The following RPTOR variants were observed in gnomAD, a reference collection of about 807,000 sequenced individuals.
RPTOR encodes the protein regulatory-associated protein of mTOR.
RPTOR carries 21 observed loss-of-function variants against 169.9 expected under a neutral mutation model. The observed-to-expected ratio is 0.12, with a 90% confidence interval of 0.09 to 0.18. RPTOR has a LOEUF of 0.18. RPTOR is among the 10% of genes least tolerant of loss of function. The pLI is 1.00. For missense variants in RPTOR, 1,133 were observed against 1,855.9 expected, an observed-to-expected ratio of 0.61 and a Z score of 7.16; for synonymous variants, 732 against 753.2, an observed-to-expected ratio of 0.97 and a Z score of 0.46.
At chr17:80,891,206 C>T (rs1362975948) in intron 17 of RPTOR, among the ~76,000 whole-genome samples, 2 of 152,224 alleles carry the variant, frequency 1.3e-5, no homozygotes, top group East Asian at 3.8e-4. Context: ...TTTTCCCGTT[C>T]CCTCTTAGGG....
Position 80,708,991 on chromosome 17 carries a change from C to T in RPTOR, c.507+992C>T, listed in dbSNP as rs986526436. The T allele has an allele frequency of 7.1e-6, 7 of 985,642 alleles. No individual in the cohort carries two copies. Among genetic ancestry groups the T allele is most frequent in the African/African-American group, 5.2e-5 (3 of 57,220 alleles). The allele number at this position is 985,642 out of a possible 1,614,324, so 61.1% of individuals were successfully genotyped here. A position where few individuals can be genotyped will look rare whatever the true frequency, so the allele number is the denominator to read the frequency against. ...ACACTGAACTCTCGGTTCCCGCCTA[C>T]CGTCCCGGGTTCGCAGCTAGCATTC... On this transcript the variant is annotated intron_variant, in intron 4 of 33. Transcript: ENST00000306801. The surrounding 1 kb of genome is among the most constrained non-coding windows in gnomAD (Gnocchi z 4.2).
At chr17:80,561,996 C>T (rs1486505419) in intron 1 of RPTOR, among the ~76,000 whole-genome samples, 1 of 151,986 alleles carries the variant, frequency 6.6e-6, no homozygotes, top group Non-Finnish European at 1.5e-5. Flanking sequence ...ATTTATGTGT[C>T]AGTGCATGTG....
Position 80,878,521 on chromosome 17 carries a change from A to AT in RPTOR, c.1510-1888dup, listed in dbSNP as rs2068148603. ...ACCACCACACCCTGCTAATTTTTGTATTTTTTAGTAGAGACAGGATTTCAC... is the reference window on the plus strand; with the variant it reads ...ACCACCACACCCTGCTAATTTTTGTATTTTTTTAGTAGAGACAGGATTTCAC... On this transcript the variant is annotated intron_variant, in intron 13 of 33. Transcript: ENST00000306801. This position sits in a 1 kb window ranked among gnomAD's most constrained non-coding sequence, Gnocchi z 4.1. Among the ~76,000 whole-genome samples, 1 of 151,726 alleles carries AT rather than the reference A, an allele frequency of 6.6e-6. No homozygotes were observed. Among genetic ancestry groups the AT allele is most frequent in the Non-Finnish European group, 1.5e-5 (1 of 67,934 alleles).
chr17:80,961,244 C>A (rs1271190114), intron 30 of RPTOR, 150 bp from the exon 31 acceptor site: 3 of 665,340 alleles, frequency 4.5e-6, no homozygotes, highest in African/African-American at 3.6e-5. Flanking sequence ...TCTGACCCTG[C>A]GTGAGCACTA....
rs1403224211 is a variant in RPTOR at position 80,644,595 on chromosome 17, C to T, written c.348+785C>T. Among the ~76,000 whole-genome samples the T allele has an allele frequency of 3.3e-5, 5 of 152,104 alleles. No individual in the cohort carries two copies. The South Asian group carries it at 6.2e-4, about 19-fold the overall frequency. On this transcript the variant is annotated intron_variant, in intron 3 of 33. Transcript: ENST00000306801. ...GAAGAATGCAGGTTGAGAAGGTGCG[C>T]GTCTCCTGCAAGTTTTACTCTCCCC...
intron 3 of RPTOR, among the ~76,000 whole-genome samples, chr17:80,660,178 G>C (rs1174533878): frequency 6.6e-6 from 1 of 151,810 alleles, no homozygotes; most frequent in African/African-American, 2.4e-5. Flanking sequence ...GGCTGAGGTA[G>C]GAGAATTGCT....
At chr17:80,807,221 G>A (rs1448283219) in intron 7 of RPTOR, among the ~76,000 whole-genome samples, 1 of 152,078 alleles carries the variant, frequency 6.6e-6, no homozygotes, top group African/African-American at 2.4e-5. Context: ...AACATTTTTG[G>A]TTTTAATTAA....
intron 9 of RPTOR, among the ~76,000 whole-genome samples, chr17:80,833,678 T>A (rs1212087422): frequency 6.6e-6 from 1 of 152,198 alleles, no homozygotes; most frequent in Non-Finnish European, 1.5e-5. Context: ...GAGAATACCG[T>A]TGTTCTGCTG....
chr17:80,747,576 G>A (rs766408519), intron 5 of RPTOR, among the ~76,000 whole-genome samples: 1 of 152,204 alleles, frequency 6.6e-6, no homozygotes, highest in Non-Finnish European at 1.5e-5. Flanking sequence ...CTGCTCCCTC[G>A]GCAACCACAG....
chr17:80,603,707 C>A (rs2065208075), intron 1 of RPTOR, among the ~76,000 whole-genome samples: 1 of 152,124 alleles, frequency 6.6e-6, no homozygotes, highest in South Asian at 2.1e-4. Flanking sequence ...AGCCCCGCCC[C>A]CATGGAGGCT....
At chr17:80,557,404 C>T (rs2084422878) in intron 1 of RPTOR, among the ~76,000 whole-genome samples, 1 of 151,674 alleles carries the variant, frequency 6.6e-6, no homozygotes. Flanking sequence ...GTTATCCCAG[C>T]TACTTGGGAG....
At chr17:80,574,786 G>T (rs2064945513) in intron 1 of RPTOR, among the ~76,000 whole-genome samples, 1 of 151,024 alleles carries the variant, frequency 6.6e-6, no homozygotes, top group South Asian at 2.1e-4. Flanking sequence ...CTCCCAAGTA[G>T]CTGGGACTAC....
At chr17:80,592,381 G>A (rs1391515992) in intron 1 of RPTOR, among the ~76,000 whole-genome samples, 1 of 152,182 alleles carries the variant, frequency 6.6e-6, no homozygotes, top group African/African-American at 2.4e-5. Flanking sequence ...GTAGGGGTAG[G>A]AGTGGAAGGG....
At chr17:80,577,845 C>G (rs1427478983) in intron 1 of RPTOR, among the ~76,000 whole-genome samples, 2 of 152,204 alleles carry the variant, frequency 1.3e-5, no homozygotes, top group African/African-American at 4.8e-5. Context: ...TCTTTGTAAT[C>G]TGGAAGACCT....
intron 1 of RPTOR, among the ~76,000 whole-genome samples, chr17:80,605,603 T>C (rs1599595491): frequency 1.3e-5 from 2 of 151,894 alleles, no homozygotes; most frequent in Admixed American, 1.3e-4. Flanking sequence ...CAAAACAGAG[T>C]TGGGTACCAG....
chr17:80,783,792 G>C (rs1259553229), intron 6 of RPTOR, among the ~76,000 whole-genome samples: 1 of 152,214 alleles, frequency 6.6e-6, no homozygotes, highest in Non-Finnish European at 1.5e-5. Context: ...TTGCTAGCTT[G>C]CTTCTGTAGC....
In RPTOR at chr17:80,646,148, T is replaced by C. The variant is rs2065593943; in HGVS notation, c.348+2338T>C. On this transcript the variant is annotated intron_variant, in intron 3 of 33. Coordinates refer to ENST00000306801, the MANE Select transcript of RPTOR (RefSeq NM_020761.3). The surrounding 1 kb of genome is among the most constrained non-coding windows in gnomAD (Gnocchi z 5.0). ...TTCTTGCACACAGAGTGGGATCTTTTGTCCCCATTCAGGAAGCAAAACCAC... is the reference window on the plus strand; with the variant it reads ...TTCTTGCACACAGAGTGGGATCTTTCGTCCCCATTCAGGAAGCAAAACCAC... Among the ~76,000 whole-genome samples the C allele has an allele frequency of 1.3e-5, 2 of 152,354 alleles. No homozygotes were observed. Among genetic ancestry groups the C allele is most frequent in the Non-Finnish European group, 2.9e-5 (2 of 68,036 alleles).
chr17:80,690,214 C>G (rs192041042), intron 3 of RPTOR, among the ~76,000 whole-genome samples: 80 of 152,210 alleles, frequency 5.3e-4, no homozygotes, highest in Non-Finnish European at 1.1e-3. Flanking sequence ...ACCCAGTCCC[C>G]CCTTCCCACT....
chr17:80,826,363 G>C (rs1366674069), intron 9 of RPTOR, among the ~76,000 whole-genome samples: 1 of 152,170 alleles, frequency 6.6e-6, no homozygotes, highest in Non-Finnish European at 1.5e-5. Flanking sequence ...CTCCTCATCC[G>C]GGAAAGTGAC....
Sources: gnomAD v4.1 joint callset for allele counts (sites outside exome capture counted in the v4.1 genomes callset) on GRCh38, gnomAD v4.1.1 for gene constraint, Gnocchi (gnomAD v3.1) non-coding constraint, MANE v1.5 for transcripts, NCBI Gene and HGNC (gene_info 2026-07-23, HGNC 2026-07-21) for gene names.